PBLD: variants seen among roughly 807,000 people sequenced by gnomAD.
The protein encoded by PBLD is phenazine biosynthesis like protein domain containing, also known as phenazine biosynthesis-like domain-containing protein.
A neutral mutation model predicts 31.3 loss-of-function variants in PBLD; 26 were observed. That is an observed-to-expected ratio of 0.83 (90% CI 0.61 to 1.15). The LOEUF is 1.15. PBLD is among the 50% of genes most tolerant of loss of function. PBLD has a pLI of 0.00. For synonymous variants in PBLD, 114 were observed against 129.0 expected (o/e 0.88, Z 0.79); for missense variants, 307 against 351.7 (o/e 0.87, Z 1.02).
At chr10:68,313,329 C>T (rs960124623) in intron 1 of PBLD, among the ~76,000 whole-genome samples, 1 of 152,094 alleles carries the variant, frequency 6.6e-6, no homozygotes, top group Non-Finnish European at 1.5e-5. Context: ...TGTACAGAAG[C>T]TTTTTAGTTA....
chr10:68,288,390 C>T, intron 8 of PBLD, 93 bp downstream of exon 8: 1 of 1,388,700 alleles, frequency 7.2e-7, no homozygotes, highest in South Asian at 1.4e-5. Context: ...AAACTCAAGC[C>T]ACCTGAAAGG....
intron 1 of PBLD, chr10:68,331,441 C>T (rs1264681058): frequency 1.3e-5 from 2 of 152,306 alleles, no homozygotes; most frequent in East Asian, 3.9e-4. Context: ...AAACCCGGAT[C>T]CCGCGCGGCA....
chr10:68,296,160 G>A (rs2044423965), intron 4 of PBLD, 106 bp downstream of exon 4: 2 of 826,026 alleles, frequency 2.4e-6, no homozygotes, highest in Non-Finnish European at 3.8e-6. Context: ...ACTCTGCAGA[G>A]TCTTTATACC....
At chr10:68,315,780 C>G (rs1195663897) in intron 1 of PBLD, among the ~76,000 whole-genome samples, 4 of 152,132 alleles carry the variant, frequency 2.6e-5, no homozygotes, top group African/African-American at 9.7e-5. Flanking sequence ...TACTACCTGT[C>G]TGGCTGAGTG....
intron 1 of PBLD, among the ~76,000 whole-genome samples, chr10:68,312,565 TG>T (rs1223596438): frequency 1.3e-5 from 2 of 151,800 alleles, no homozygotes; most frequent in African/African-American, 2.4e-5. Flanking sequence ...GGGGGCTTTT[TG>T]TTATTGATTT....
intron 1 of PBLD, among the ~76,000 whole-genome samples, chr10:68,319,053 G>GAGAGAGAA (rs1431193816): frequency 1.7e-4 from 17 of 98,894 alleles, no homozygotes; most frequent in East Asian, 7.2e-4. Context: ...AAGAAAGAGA[G>GAGAGAGAA]AGAAAGAAAG....
At chr10:68,306,937 T>C in intron 1 of PBLD, 34 bp from the exon 2 acceptor site, 1 of 942,012 alleles carries the variant, frequency 1.1e-6, no homozygotes, top group Non-Finnish European at 1.7e-6. Context: ...AGTTAATGTT[T>C]TACTTGGTGT....
chr10:68,284,237 G>C lies in PBLD; in HGVS notation c.807C>G (p.Asp269Glu), dbSNP rs371720548. Residue 269 changes from aspartate (D) to glutamate (E), a missense_variant, in exon 10 of 10, where the codon GAC (aspartate) becomes GAG (glutamate). Transcript: ENST00000358769. ...CACCTCCTCTAATGTCAACCCTTCCGTCTGGACGAAGGGAAATTCCCAGCT... is the reference window on the plus strand; with the variant it reads ...CACCTCCTCTAATGTCAACCCTTCCCTCTGGACGAAGGGAAATTCCCAGCT... ...GGELGISLRPDGRVDIRGGAA... is the reference protein window; with the variant it reads ...GGELGISLRPEGRVDIRGGAA... The C allele has an allele frequency of 1.2e-6, 2 of 1,613,932 alleles. No homozygotes were observed. Among genetic ancestry groups the C allele is most frequent in the African/African-American group, 1.3e-5 (1 of 74,896 alleles).
At chr10:68,291,962 G>A in intron 6 of PBLD, 48 bp downstream of exon 6, 1 of 1,514,564 alleles carries the variant, frequency 6.6e-7, no homozygotes, top group Non-Finnish European at 9.2e-7. Context: ...ATCTTTGTGT[G>A]CAAACAATAA....
intron 1 of PBLD, among the ~76,000 whole-genome samples, chr10:68,323,575 GAGATCCTGGGCT>G (rs1249033828): frequency 3.3e-5 from 5 of 152,054 alleles, no homozygotes; most frequent in African/African-American, 1.2e-4. Flanking sequence ...AGAAGAAAAA[GAGATCCTGGGCT>G]AGAAGCATCC....
chr10:68,288,352 G>A lies in PBLD; in HGVS notation c.691+131C>T, dbSNP rs1016813759. On this transcript the variant is annotated intron_variant, in intron 8 of 9. Transcript: ENST00000358769. The stretch of plus-strand genomic sequence containing the variant: ...CTTCAGTGAAGGGATGGCAGGGATG[G>A]GGAAAGATAGAGGAACAAGGCAGCT... 6.3e-6 allele frequency: 6 copies of A among 952,306 alleles called. No homozygotes were observed. The African/African-American group carries it at 8.3e-5, about 13-fold the overall frequency. The allele number at this position is 952,306 out of a possible 1,614,324, so 59.0% of individuals were successfully genotyped here. A position where few individuals can be genotyped will look rare whatever the true frequency, so the allele number is the denominator to read the frequency against.
At chr10:68,292,852 A>C (rs2044377806) in intron 4 of PBLD, among the ~76,000 whole-genome samples, 1 of 152,058 alleles carries the variant, frequency 6.6e-6, no homozygotes, top group Non-Finnish European at 1.5e-5. Context: ...AAATGAGGTT[A>C]ATACATTAAA....
chr10:68,308,938 C>T (rs1052982776), intron 1 of PBLD, among the ~76,000 whole-genome samples: 4 of 149,064 alleles, frequency 2.7e-5, no homozygotes, highest in African/African-American at 2.5e-5. Context: ...CCATTTACCA[C>T]GTAAATGTAG....
rs185337857 is a variant in PBLD, at chr10:68,290,164, T to C, written c.424-1145A>G. 9.2e-4 allele frequency among the ~76,000 whole-genome samples: 140 copies of C among 152,194 alleles called. 1 individual carries two copies. Among genetic ancestry groups the C allele is most frequent in the African/African-American group, 3.3e-3 (137 of 41,548 alleles). ...AGCCCCAGCTGCCAGGCCCAGCAGA[T>C]GGTAATTACATGGTAATTGTATGGC... is the stretch of plus-strand genomic sequence containing the variant. On this transcript the variant is annotated intron_variant, in intron 6 of 9. Coordinates refer to ENST00000358769, the MANE Select transcript of PBLD (RefSeq NM_022129.4).
chr10:68,316,315 G>A (rs373933320), intron 1 of PBLD, among the ~76,000 whole-genome samples: 1 of 151,990 alleles, frequency 6.6e-6, no homozygotes, highest in Non-Finnish European at 1.5e-5. Context: ...GAACCAAGTA[G>A]AAATTGTAGA....
intron 1 of PBLD, among the ~76,000 whole-genome samples, chr10:68,311,297 A>T (rs2044663994): frequency 6.6e-6 from 1 of 152,050 alleles, no homozygotes; most frequent in Non-Finnish European, 1.5e-5. Context: ...TACAAAAATT[A>T]GCTGGGCGGC....
intron 1 of PBLD, among the ~76,000 whole-genome samples, chr10:68,313,973 C>CTTAT (rs945468139): frequency 1.4e-4 from 21 of 151,904 alleles, no homozygotes; most frequent in African/African-American, 4.3e-4. Flanking sequence ...TTTATTTTTA[C>CTTAT]TTATTTATTT....
intron 1 of PBLD, among the ~76,000 whole-genome samples, chr10:68,328,346 G>A (rs937925278): frequency 2.0e-5 from 3 of 152,056 alleles, no homozygotes; most frequent in African/African-American, 4.8e-5. Context: ...CCAATTTTTC[G>A]TTAATGTGCC....
chr10:68,295,452 C>T (rs2044411798), intron 4 of PBLD, among the ~76,000 whole-genome samples: 1 of 150,516 alleles, frequency 6.6e-6, no homozygotes, highest in East Asian at 1.9e-4. Context: ...GATATCCTGC[C>T]TCTGCACTCC....
Sources: allele counts gnomAD v4.1 joint callset (sites outside exome capture counted in the v4.1 genomes callset), GRCh38; gene constraint gnomAD v4.1.1; transcripts MANE v1.5; gene names NCBI Gene and HGNC (gene_info 2026-07-23, HGNC 2026-07-21).